Variants in ECT2 observed in about 807,000 individuals in gnomAD.
The protein encoded by ECT2 is protein ECT2.
Under a neutral mutation model 116.9 loss-of-function variants are expected in ECT2, and 61 were observed. The observed-to-expected ratio is 0.52, with a 90% confidence interval of 0.42 to 0.65. The LOEUF (loss-of-function observed/expected upper bound fraction) is 0.65. Among genes scored for constraint, ECT2 ranks in the 30% least tolerant of loss-of-function variants. The pLI, the probability that ECT2 is intolerant of heterozygous loss-of-function variation, is 0.00. For missense variants in ECT2, 937 were observed against 1,078.7 expected, an observed-to-expected ratio of 0.87 and a Z score of 1.84; for synonymous variants, 358 against 346.4, an observed-to-expected ratio of 1.03 and a Z score of -0.37.
At chr3:172,791,433 A>G (rs1303324719) in intron 18 of ECT2, among the ~76,000 whole-genome samples, 2 of 152,232 alleles carry the variant, frequency 1.3e-5, no homozygotes, top group East Asian at 3.9e-4. Context: ...TGTTTTGTCT[A>G]CACTGAAAAT....
chr3:172,757,626 A>G (rs1717284756), intron 5 of ECT2, among the ~76,000 whole-genome samples: 1 of 151,996 alleles, frequency 6.6e-6, no homozygotes, highest in Non-Finnish European at 1.5e-5. Flanking sequence ...CATGTTAGCC[A>G]GGATGGTCTT....
At chr3:172,767,123 AT>A (rs1357384705) in intron 12 of ECT2, among the ~76,000 whole-genome samples, 1 of 152,142 alleles carries the variant, frequency 6.6e-6, no homozygotes, top group East Asian at 1.9e-4. Context: ...CAAGTGGGAA[AT>A]TTTTTGAGAT....
chr3:172,804,998 T>C (rs987615545), intron 20 of ECT2, among the ~76,000 whole-genome samples: 6 of 152,046 alleles, frequency 3.9e-5, no homozygotes, highest in Non-Finnish European at 7.4e-5. Flanking sequence ...ATAATAAATA[T>C]AAAATAAAAA....
At chr3:172,819,482 T>C (rs1730364180) in intron 24 of ECT2, among the ~76,000 whole-genome samples, 1 of 152,002 alleles carries the variant, frequency 6.6e-6, no homozygotes, top group South Asian at 2.1e-4. Context: ...TTTCACTCAA[T>C]TTTTATACGG....
At chr3:172,789,276 G>A (rs1310820143) in intron 18 of ECT2, among the ~76,000 whole-genome samples, 1 of 147,356 alleles carries the variant, frequency 6.8e-6, no homozygotes, top group Admixed American at 6.9e-5. Context: ...CCGGAGTGCA[G>A]TGGCACAGTC....
chr3:172,767,457 G>T (rs1719691105), intron 12 of ECT2, among the ~76,000 whole-genome samples: 1 of 152,024 alleles, frequency 6.6e-6, no homozygotes, highest in African/African-American at 2.4e-5. Flanking sequence ...AAAGCACTCA[G>T]AACTCCATAG....
chr3:172,820,246 CA>C lies in ECT2; in HGVS notation c.*13del. The stretch of plus-strand genomic sequence containing the variant: ...CAACTCATTTGATATGAAGCGTTAC[CA>C]AAATCTTAAATTATAGAAATGTATA... On this transcript the variant is annotated 3_prime_UTR_variant, in exon 25 of 25. Coordinates refer to ENST00000392692, the MANE Select transcript of ECT2 (RefSeq NM_001258315.2). 1 of 1,578,234 alleles carries C rather than the reference CA, an allele frequency of 6.3e-7. No individual in the cohort carries two copies. Among genetic ancestry groups the C allele is most frequent in the Non-Finnish European group, 8.6e-7 (1 of 1,157,424 alleles).
chr3:172,800,513 G>T (rs961573653), intron 18 of ECT2, among the ~76,000 whole-genome samples: 20 of 152,120 alleles, frequency 1.3e-4, no homozygotes, highest in Non-Finnish European at 2.4e-4. Flanking sequence ...CACTTGGTCA[G>T]TATGTATGCC....
intron 24 of ECT2, among the ~76,000 whole-genome samples, chr3:172,817,227 T>A (rs771538889): frequency 3.3e-5 from 5 of 152,108 alleles, no homozygotes; most frequent in Non-Finnish European, 5.9e-5. Flanking sequence ...TCTCCCCTAG[T>A]GCACTTTAAA....
chr3:172,761,463 G>C, intron 7 of ECT2, 147 bp from the exon 8 acceptor site: 3 of 564,662 alleles, frequency 5.3e-6, no homozygotes, highest in Non-Finnish European at 9.4e-6. Flanking sequence ...ATGATTGGAA[G>C]ATAGTTTGTC....
chr3:172,782,616 TA>T (rs1722903744), intron 15 of ECT2, among the ~76,000 whole-genome samples: 1 of 152,220 alleles, frequency 6.6e-6, no homozygotes, highest in African/African-American at 2.4e-5. Context: ...GGGTTAATTG[TA>T]CAGATTGTTT....
Position 172,762,520 on chromosome 3 carries a change from A to T in ECT2, c.863A>T (p.Asn288Ile), listed in dbSNP as rs1273376276. The stretch of plus-strand genomic sequence containing the variant: ...GGATTTTCAGATGAAGAGAAAACCA[A>T]TATGGAAGAAATGACTGAAATGCAA... ...FLGFSDEEKT[N>I]MEEMTEMQGG... The change falls in exon 9 of 25, where the codon AAT (asparagine) becomes ATT (isoleucine). Residue 288 changes from asparagine to isoleucine, a missense_variant. Asn to Ile is a moderately radical substitution (Grantham distance 149, BLOSUM62 -3). Transcript: ENST00000392692. 1.3e-6 allele frequency: 2 copies of T among 1,595,274 alleles called. No homozygotes were observed. The highest frequency in any genetic ancestry group is 1.7e-6 in the Non-Finnish European group (2 of 1,175,694).
intron 22 of ECT2, among the ~76,000 whole-genome samples, chr3:172,811,562 T>G (rs2109235649): frequency 6.6e-6 from 1 of 152,284 alleles, no homozygotes; most frequent in South Asian, 2.1e-4. Context: ...CTGGTTCCAT[T>G]TTTAGTTCAT....
At chr3:172,765,497 C>G (rs909457967) in intron 12 of ECT2, among the ~76,000 whole-genome samples, 2 of 152,094 alleles carry the variant, frequency 1.3e-5, no homozygotes, top group Non-Finnish European at 2.9e-5. Flanking sequence ...ATATCTTAAA[C>G]CTAAGATAAC....
At chr3:172,809,617 G>A (rs1320115859) in intron 22 of ECT2, among the ~76,000 whole-genome samples, 1 of 151,070 alleles carries the variant, frequency 6.6e-6, no homozygotes, top group Non-Finnish European at 1.5e-5. Flanking sequence ...ACACGTGAAA[G>A]ATGTAAAAAG....
chr3:172,754,381 C>A (rs1258787229), intron 1 of ECT2, 128 bp from the exon 2 acceptor site: 1 of 622,276 alleles, frequency 1.6e-6, no homozygotes, highest in Non-Finnish European at 2.6e-6. Flanking sequence ...AGGTCAGTGA[C>A]TTTCTTTGGT....
chr3:172,769,038 A>G lies in ECT2; in HGVS notation c.1323A>G (p.Lys441=), dbSNP rs768928855. The change falls in exon 13 of 25, where the codon AAA becomes AAG. Residue 441 remains lysine (K), a synonymous_variant. Coordinates refer to ENST00000392692, the MANE Select transcript of ECT2 (RefSeq NM_001258315.2). The part of the protein sequence containing the change: ...DTPKSCTKSS[K]SSTPVPSKQS... ...CAAAGTCTTGTACTAAGTCTTCTAA[A>G]AGCTCCACTCCAGTTCCTTCAAAGC... The G allele has an allele frequency of 1.2e-6, 2 of 1,613,052 alleles. No homozygotes were observed. Among genetic ancestry groups the G allele is most frequent in the African/African-American group, 2.7e-5 (2 of 74,880 alleles).
At chr3:172,790,453 G>C (rs1724456267) in intron 18 of ECT2, among the ~76,000 whole-genome samples, 1 of 151,972 alleles carries the variant, frequency 6.6e-6, no homozygotes, top group African/African-American at 2.4e-5. Flanking sequence ...TTTTACCTAT[G>C]AAAAGAAAAG....
intron 24 of ECT2, among the ~76,000 whole-genome samples, chr3:172,817,655 AAC>A (rs976676591): frequency 2.6e-5 from 4 of 152,146 alleles, no homozygotes; most frequent in East Asian, 1.9e-4. Context: ...CCAAATTTCC[AAC>A]AGTTTCAGAA....
Sources: gnomAD v4.1 joint callset for allele counts (sites outside exome capture counted in the v4.1 genomes callset) on GRCh38, gnomAD v4.1.1 for gene constraint, MANE v1.5 for transcripts, NCBI Gene and HGNC (gene_info 2026-07-23, HGNC 2026-07-21) for gene names.